The following NCKAP5 variants were observed in gnomAD, a reference collection of about 807,000 sequenced individuals.
NCKAP5 encodes the protein NCK associated protein 5.
Under a neutral mutation model 167.0 loss-of-function variants are expected in NCKAP5, and 92 were observed. That is an observed-to-expected ratio of 0.55 (90% confidence interval 0.47 to 0.66). The LOEUF is 0.66. NCKAP5 is among the 30% of genes least tolerant of loss of function. The probability of loss-of-function intolerance (pLI) is 0.00; values close to 1 mark genes in which losing one functional copy is unlikely to be tolerated. For synonymous variants in NCKAP5, 891 were observed against 877.4 expected (o/e 1.02, Z -0.27); for missense variants, 2,378 against 2,315.0 (o/e 1.03, Z -0.56).
chr2:133,526,298 AGGG>A, intron 2 of NCKAP5, among the ~76,000 whole-genome samples: 1 of 42,652 alleles, frequency 2.3e-5, no homozygotes, highest in African/African-American at 1.1e-4. Flanking sequence ...GGAGGGAAGG[AGGG>A]AGGGAGGGAA....
intron 3 of NCKAP5, among the ~76,000 whole-genome samples, chr2:133,505,213 AT>A (rs1248291502): frequency 6.6e-6 from 1 of 152,182 alleles, no homozygotes; most frequent in Admixed American, 6.5e-5. Flanking sequence ...AATGCTCCAT[AT>A]AAGAGGGTCT....
rs72844778 is a variant in NCKAP5, at chr2:132,741,186, A to T, written c.5129-9135T>A. Among the ~76,000 whole-genome samples, 1,201 of 152,172 alleles carry T rather than the reference A, an allele frequency of 7.9e-3. 10 individuals carry two copies. Among genetic ancestry groups the T allele is most frequent in the Middle Eastern group, 0.01 (3 of 294 alleles). On this transcript the variant is annotated intron_variant, in intron 16 of 19. Transcript: ENST00000409261. ...CACTAATACTGAAATGGCCTCTTCT[A>T]AAGTTTTGGGAATGGTTATTGGTCT...
chr2:133,273,481 G>C (rs1394133676), intron 4 of NCKAP5, among the ~76,000 whole-genome samples: 1 of 151,934 alleles, frequency 6.6e-6, no homozygotes, highest in East Asian at 1.9e-4. Context: ...ATCTCACAGA[G>C]AGTTACAGGG....
intron 4 of NCKAP5, among the ~76,000 whole-genome samples, chr2:133,227,035 C>T (rs150510438): frequency 2.0e-3 from 307 of 152,182 alleles, no homozygotes; most frequent in Middle Eastern, 6.8e-3. Context: ...TATTTGATTC[C>T]GACCAGGAGA....
intron 5 of NCKAP5, among the ~76,000 whole-genome samples, chr2:133,182,513 C>T (rs181135693): frequency 2.0e-5 from 3 of 152,228 alleles, no homozygotes; most frequent in Admixed American, 2.0e-4. Context: ...TTAAACAGCA[C>T]ACTTCTAAAT....
chr2:133,094,324 G>A lies in NCKAP5; in HGVS notation c.341+35654C>T, dbSNP rs200584043. ...CTACACAGAATCAGGGAGCCGGAGGGTTTGATCCCTCAAATTCTATTTTAG... is the reference window on the plus strand; with the variant it reads ...CTACACAGAATCAGGGAGCCGGAGGATTTGATCCCTCAAATTCTATTTTAG... On this transcript the variant is annotated intron_variant, in intron 6 of 19. Transcript: ENST00000409261. 4.6e-5 allele frequency among the ~76,000 whole-genome samples: 7 copies of A among 152,138 alleles called. No individual in the cohort carries two copies. In the East Asian group the frequency reaches 1.4e-3, roughly 29 times the overall value.
chr2:133,561,490 T>C (rs1445843592), intron 1 of NCKAP5, among the ~76,000 whole-genome samples: 1 of 152,236 alleles, frequency 6.6e-6, no homozygotes, highest in African/African-American at 2.4e-5. Flanking sequence ...GATGAAGCTA[T>C]ACTACATGTC....
intron 3 of NCKAP5, among the ~76,000 whole-genome samples, chr2:133,337,551 G>A (rs1683295274): frequency 6.6e-6 from 1 of 152,124 alleles, no homozygotes; most frequent in Admixed American, 6.5e-5. Context: ...GTTCAAATAG[G>A]GTGGTTAGGG....
chr2:133,513,939 A>G (rs1424850718), intron 3 of NCKAP5, among the ~76,000 whole-genome samples: 1 of 152,228 alleles, frequency 6.6e-6, no homozygotes, highest in Admixed American at 6.5e-5. Flanking sequence ...TACCACAGCT[A>G]CAAGTGTCAA....
intron 16 of NCKAP5, among the ~76,000 whole-genome samples, chr2:132,763,756 T>C (rs926867438): frequency 1.3e-5 from 2 of 152,248 alleles, no homozygotes; most frequent in African/African-American, 4.8e-5. Flanking sequence ...ATCAGATGTA[T>C]ATAGAACACA....
At chr2:133,448,651 T>TA (rs199688909) in intron 3 of NCKAP5, among the ~76,000 whole-genome samples, 1 of 152,172 alleles carries the variant, frequency 6.6e-6, no homozygotes, top group African/African-American at 2.4e-5. Context: ...GTTTCTTCTT[T>TA]ATTTTTTTTA....
intron 6 of NCKAP5, among the ~76,000 whole-genome samples, chr2:133,125,219 CT>C (rs777940751): frequency 0.026 from 3,658 of 142,580 alleles, 95 homozygotes; most frequent in African/African-American, 0.083. Flanking sequence ...ATTACTCTAC[CT>C]TTTTTTTTTT....
intron 5 of NCKAP5, among the ~76,000 whole-genome samples, chr2:133,145,621 T>C (rs1305520924): frequency 6.6e-6 from 1 of 152,112 alleles, no homozygotes; most frequent in Non-Finnish European, 1.5e-5. Context: ...CTAAAATTTG[T>C]GTACCCTTGG....
chr2:132,775,135 C>G (rs1558753425), intron 15 of NCKAP5, among the ~76,000 whole-genome samples: 1 of 152,142 alleles, frequency 6.6e-6, no homozygotes, highest in Non-Finnish European at 1.5e-5. Context: ...TAGGCACGTA[C>G]GTTAGAGGTT....
intron 3 of NCKAP5, among the ~76,000 whole-genome samples, chr2:133,490,373 C>T (rs1025974579): frequency 1.3e-5 from 2 of 152,168 alleles, no homozygotes; most frequent in Non-Finnish European, 2.9e-5. Context: ...AGAAAAGCAA[C>T]ACATACAAAT....
At chr2:133,295,922 T>C (rs1679928208) in intron 4 of NCKAP5, among the ~76,000 whole-genome samples, 1 of 152,222 alleles carries the variant, frequency 6.6e-6, no homozygotes, top group African/African-American at 2.4e-5. Flanking sequence ...CTTAAGGTTT[T>C]TGATAAAACT....
the NCKAP5 span, among the ~76,000 whole-genome samples, chr2:133,620,131 C>A: frequency 6.6e-6 from 1 of 151,726 alleles, no homozygotes; most frequent in African/African-American, 2.4e-5. Context: ...CAAAACAGAA[C>A]CTCCTTGAAA....
chr2:132,960,370 C>T (rs139883721), intron 8 of NCKAP5, among the ~76,000 whole-genome samples: 1 of 152,172 alleles, frequency 6.6e-6, no homozygotes, highest in Non-Finnish European at 1.5e-5. Flanking sequence ...ACAGAGCTGG[C>T]CACGTTCTAA....
At chr2:133,592,373 A>T in the NCKAP5 span, among the ~76,000 whole-genome samples, 2 of 152,222 alleles carry the variant, frequency 1.3e-5, no homozygotes, top group African/African-American at 4.8e-5. Flanking sequence ...AATGCCAGAT[A>T]AGACTTGTAC....
Sources: allele counts gnomAD v4.1 joint callset (sites outside exome capture counted in the v4.1 genomes callset), GRCh38; gene constraint gnomAD v4.1.1; transcripts MANE v1.5; gene names NCBI Gene and HGNC (gene_info 2026-07-23, HGNC 2026-07-21).